Variants in CNKSR2 observed in about 807,000 individuals in gnomAD.
CNKSR2 encodes the protein CNK homolog protein 2.
A neutral mutation model predicts 84.4 loss-of-function variants in CNKSR2; 14 were observed. The observed-to-expected ratio is 0.17, with a 90% CI of 0.11 to 0.26. The LOEUF (loss-of-function observed/expected upper bound fraction) is 0.26, where lower values mean the gene tolerates loss of function less well. Ranked by LOEUF, CNKSR2 falls within the 10% of genes least tolerant of loss-of-function variation. CNKSR2 has a pLI of 1.00. For synonymous variants in CNKSR2, 275 were observed against 277.9 expected, an observed-to-expected ratio of 0.99 and a Z score of 0.10; for missense variants, 485 against 771.2, an observed-to-expected ratio of 0.63 and a Z score of 4.40.
Position 21,595,309 on chromosome X carries a change from T to G in CNKSR2, c.1905-15T>G. 3 of 1,143,703 alleles carry G rather than the reference T, an allele frequency of 2.6e-6. No individual in the cohort carries two copies. Among genetic ancestry groups the G allele is most frequent in the Non-Finnish European group, 3.6e-6 (3 of 841,715 alleles). 94.3% of individuals were successfully genotyped at this position (1,143,703 alleles called of 1,213,427 possible). On this transcript the variant is annotated splice_polypyrimidine_tract_variant and intron_variant, in intron 16 of 21. Transcript: ENST00000379510. Reference sequence around the variant, plus strand: ...TTCCCAATTTGTAATAAATGTACTTTGTTTCCTTTTGCAGTGCATTCAAAG... The same window carrying G: ...TTCCCAATTTGTAATAAATGTACTTGGTTTCCTTTTGCAGTGCATTCAAAG...
chrX:21,462,998 G>A (rs933562174), intron 4 of CNKSR2, among the ~76,000 whole-genome samples: 1 of 110,882 alleles, frequency 9.0e-6, no homozygotes, highest in Admixed American at 9.6e-5. Context: ...GAGCCACCGA[G>A]TCCGGCTCTA....
At chrX:21,482,756 T>C (rs2091335234) in intron 5 of CNKSR2, among the ~76,000 whole-genome samples, 1 of 111,214 alleles carries the variant, frequency 9.0e-6, no homozygotes, top group Non-Finnish European at 1.9e-5. Flanking sequence ...AATTCTTGAG[T>C]GTAGTAGTTG....
intron 1 of CNKSR2, among the ~76,000 whole-genome samples, chrX:21,413,782 A>C (rs2090377857): frequency 1.8e-5 from 2 of 110,860 alleles, no homozygotes; most frequent in Admixed American, 9.6e-5. Context: ...AAATGACAGG[A>C]TCTCATTCTT....
At chrX:21,516,351 T>A in intron 8 of CNKSR2, 134 bp from the exon 9 acceptor site, 2 of 599,863 alleles carry the variant, frequency 3.3e-6, no homozygotes, top group East Asian at 3.3e-5. Context: ...ATTGAGTATG[T>A]ATCTCCTGAA....
At chrX:21,558,266 T>G (rs757074525) in intron 11 of CNKSR2, among the ~76,000 whole-genome samples, 7 of 111,698 alleles carry the variant, frequency 6.3e-5, no homozygotes, top group Non-Finnish European at 9.5e-5. Context: ...TGTTACCTTA[T>G]GTTATTGGTT....
chrX:21,439,950 C>G (rs1032717029), intron 3 of CNKSR2, among the ~76,000 whole-genome samples: 2 of 109,374 alleles, frequency 1.8e-5, no homozygotes, highest in Non-Finnish European at 3.8e-5. Context: ...CCCCTCCCCC[C>G]CAAAAAAAAA....
intron 11 of CNKSR2, among the ~76,000 whole-genome samples, chrX:21,550,799 G>T (rs1384704242): frequency 9.0e-6 from 1 of 111,034 alleles, no homozygotes; most frequent in East Asian, 2.8e-4. Context: ...ACTTTGGGAG[G>T]CAGAGGCGGG....
At position 21,447,273 on chromosome X, in the gene CNKSR2, C is replaced by G. The variant is rs907816590; in HGVS notation, c.519+6492C>G. ...TTATCATGGACATTTGGGTATATACCTACATTTAAGTGTAATTACTAGGAG... is the reference window on the plus strand; with the variant it reads ...TTATCATGGACATTTGGGTATATACGTACATTTAAGTGTAATTACTAGGAG... On this transcript the variant is annotated intron_variant, in intron 4 of 21. Coordinates refer to ENST00000379510, the MANE Select transcript of CNKSR2 (RefSeq NM_014927.5). Among the ~76,000 whole-genome samples the G allele has an allele frequency of 5.4e-5, 6 of 111,162 alleles. No individual in the cohort carries two copies. In the Admixed American group the frequency reaches 5.8e-4, roughly 11 times the overall value.
intron 11 of CNKSR2, among the ~76,000 whole-genome samples, chrX:21,552,315 T>C (rs900887760): frequency 3.6e-5 from 4 of 111,745 alleles, no homozygotes; most frequent in Non-Finnish European, 7.5e-5. Context: ...TCTTGGAGAT[T>C]AATAAATTCA....
intron 1 of CNKSR2, among the ~76,000 whole-genome samples, chrX:21,420,102 A>G (rs898335549): frequency 1.8e-5 from 2 of 112,187 alleles, no homozygotes; most frequent in African/African-American, 6.5e-5. Flanking sequence ...CTGACACTCA[A>G]ACCACAAGAT....
intron 18 of CNKSR2, among the ~76,000 whole-genome samples, chrX:21,605,829 T>G (rs1240516564): frequency 8.9e-6 from 1 of 112,197 alleles, no homozygotes; most frequent in African/African-American, 3.2e-5. Flanking sequence ...AGCCTTATGA[T>G]AGTTCTTTTG....
intron 6 of CNKSR2, chrX:21,495,787 A>AAAAAAAAAAAAAAAAAAAAC (rs2091490339): frequency 1.7e-5 from 1 of 59,283 alleles, no homozygotes; most frequent in Non-Finnish European, 3.1e-5. Flanking sequence ...CCGTCTCAAA[A>AAAAAAAAAAAAAAAAAAAAC]AAAAAAAAAA....
intron 5 of CNKSR2, among the ~76,000 whole-genome samples, chrX:21,482,851 C>T (rs1462973915): frequency 1.8e-5 from 2 of 111,459 alleles, no homozygotes; most frequent in African/African-American, 6.5e-5. Flanking sequence ...TTGTGTTTTT[C>T]CCCACCATGA....
intron 1 of CNKSR2, among the ~76,000 whole-genome samples, chrX:21,377,488 T>G (rs1257837964): frequency 8.9e-6 from 1 of 111,980 alleles, no homozygotes; most frequent in Non-Finnish European, 1.9e-5. Flanking sequence ...TATGTAGTGT[T>G]GTAAAGGCAG....
intron 17 of CNKSR2, among the ~76,000 whole-genome samples, chrX:21,600,039 A>C (rs141136207): frequency 0.024 from 2,660 of 111,603 alleles, 80 homozygotes; most frequent in African/African-American, 0.082. Context: ...TTCACTTCCC[A>C]AATGTACCTG....
At chrX:21,470,104 C>T (rs747413186) in intron 4 of CNKSR2, among the ~76,000 whole-genome samples, 2 of 111,400 alleles carry the variant, frequency 1.8e-5, no homozygotes, top group African/African-American at 6.5e-5. Flanking sequence ...TGTCTCTAAG[C>T]AAAGATCAGT....
chrX:21,420,331 G>A (rs1033000708), intron 1 of CNKSR2, among the ~76,000 whole-genome samples: 1 of 112,618 alleles, frequency 8.9e-6, no homozygotes, highest in African/African-American at 3.2e-5. Flanking sequence ...GTCCAGAAAT[G>A]CCATCCATCC....
intron 13 of CNKSR2, among the ~76,000 whole-genome samples, chrX:21,589,113 ATG>A (rs950847934): frequency 3.6e-5 from 4 of 112,384 alleles, no homozygotes; most frequent in African/African-American, 9.7e-5. Context: ...AAAGTTTGAT[ATG>A]TGTGTGTGTA....
chrX:21,404,827 A>G (rs949792668), intron 1 of CNKSR2, among the ~76,000 whole-genome samples: 34 of 106,844 alleles, frequency 3.2e-4, no homozygotes, highest in Non-Finnish European at 6.4e-4. Context: ...AATATAAAGT[A>G]GAGGATCTGA....
Sources: gnomAD v4.1 joint callset for allele counts (sites outside exome capture counted in the v4.1 genomes callset) on GRCh38, gnomAD v4.1.1 for gene constraint, MANE v1.5 for transcripts, NCBI Gene and HGNC (gene_info 2026-07-23, HGNC 2026-07-21) for gene names.